USP6: variants seen among roughly 807,000 people sequenced by gnomAD.
USP6 encodes ubiquitin carboxyl-terminal hydrolase 6.
A neutral mutation model predicts 175.7 loss-of-function variants in USP6; 128 were observed. The ratio of observed to expected loss-of-function variants is 0.73; its 90% CI spans 0.63 to 0.84. USP6 has a LOEUF of 0.84. Among genes scored for constraint, USP6 ranks in the 40% least tolerant of loss-of-function variants. The probability of loss-of-function intolerance (pLI) is 0.00; values close to 1 mark genes in which losing one functional copy is unlikely to be tolerated. For synonymous variants in USP6, 562 were observed against 630.6 expected, an observed-to-expected ratio of 0.89 and a Z score of 1.63; for missense variants, 1,498 against 1,760.3, an observed-to-expected ratio of 0.85 and a Z score of 2.67.
At position 5,171,532 on chromosome 17, in the gene USP6, C is replaced by T. The variant is rs1375397711; in HGVS notation, c.3955-55C>T. 3.6e-5 allele frequency: 56 copies of T among 1,553,926 alleles called. No individual in the cohort carries two copies. In the East Asian group the frequency reaches 7.0e-4, roughly 19 times the overall value. Reference sequence around the variant, plus strand: ...TCCTGCTCAGATCTTAGTGCTATACCCTGGCCATAGTACAGTTAACTACTA... The same window carrying T: ...TCCTGCTCAGATCTTAGTGCTATACTCTGGCCATAGTACAGTTAACTACTA... On this transcript the variant is annotated intron_variant, in intron 36 of 37. Coordinates refer to ENST00000574788, the MANE Select transcript of USP6 (RefSeq NM_001304284.2).
intron 18 of USP6, 103 bp downstream of exon 18, chr17:5,136,837 T>TC: frequency 6.6e-7 from 1 of 1,525,618 alleles, no homozygotes; most frequent in Non-Finnish European, 9.1e-7. Flanking sequence ...ACTGGCGGAG[T>TC]CCCAGCTAGG....
intron 23 of USP6, among the ~76,000 whole-genome samples, chr17:5,141,740 A>C (rs1194225242): frequency 6.6e-6 from 1 of 152,174 alleles, no homozygotes; most frequent in Non-Finnish European, 1.5e-5. Flanking sequence ...CTAGAAGAAT[A>C]ATTGTTTGAA....
intron 24 of USP6, 116 bp from the exon 25 acceptor site, chr17:5,142,281 T>C: frequency 3.9e-6 from 6 of 1,541,216 alleles, no homozygotes; most frequent in Non-Finnish European, 5.3e-6. Flanking sequence ...GGCCAAGGAA[T>C]ACATCTCTTG....
intron 5 of USP6, among the ~76,000 whole-genome samples, 186 bp from the exon 6 acceptor site, chr17:5,125,635 A>G (rs2072860721): frequency 2.7e-5 from 4 of 148,464 alleles, no homozygotes; most frequent in Admixed American, 2.7e-4. Flanking sequence ...CATCCTGTCC[A>G]CTGTAACCCT....
At chr17:5,168,665 A>G (rs2074146963) in intron 34 of USP6, 102 bp from the exon 35 acceptor site, 3 of 1,416,310 alleles carry the variant, frequency 2.1e-6, no homozygotes, top group Admixed American at 4.6e-5. Context: ...ATGTTCTGTT[A>G]TATATTTCCA....
At position 5,168,977 on chromosome 17, in the gene USP6, A is replaced by G; in HGVS notation, c.3439A>G (p.Ser1147Gly). ...AREVKKVDAQ[S>G]SAGKEDMLLS... ...AGAGGTGAAGAAAGTGGATGCGCAGAGTTCGGCTGGAAAAGAGGACATGCT... is the reference window on the plus strand; with the variant it reads ...AGAGGTGAAGAAAGTGGATGCGCAGGGTTCGGCTGGAAAAGAGGACATGCT... Residue 1147 changes from serine to glycine, a missense_variant, in exon 35 of 38, where the codon AGT becomes GGT. By Grantham distance (56) the Ser-to-Gly change is moderately conservative. Transcript: ENST00000574788. The G allele has an allele frequency of 6.2e-7, 1 of 1,614,028 alleles. No homozygotes were observed. Among genetic ancestry groups the G allele is most frequent in the East Asian group, 2.2e-5 (1 of 44,884 alleles).
At chr17:5,136,543 G>T in intron 17 of USP6, 97 bp from the exon 18 acceptor site, 2 of 1,459,990 alleles carry the variant, frequency 1.4e-6, no homozygotes, top group East Asian at 2.3e-5. Flanking sequence ...GGAGGCCTTG[G>T]GGTTTGGGGG....
rs199891546 is a variant in USP6 at position 5,130,584 on chromosome 17, G to C, written c.73-18G>C. 4 of 1,613,350 alleles carry C rather than the reference G, an allele frequency of 2.5e-6. No individual in the cohort carries two copies. The highest frequency in any genetic ancestry group is 3.4e-6 in the Non-Finnish European group (4 of 1,179,562). ...CCTTTACCTTGGACCCCTCACCAAG[G>C]CTCCCTCTGGGTTACAGGGACACCG... On this transcript the variant is annotated intron_variant, in intron 10 of 37. Coordinates refer to ENST00000574788, the MANE Select transcript of USP6 (RefSeq NM_001304284.2).
intron 31 of USP6, among the ~76,000 whole-genome samples, chr17:5,158,613 G>GA (rs2073938584): frequency 4.5e-5 from 5 of 112,180 alleles, no homozygotes; most frequent in African/African-American, 3.5e-5. Flanking sequence ...GAGGGAGAGG[G>GA]GGAGAGAGAG....
chr17:5,127,834 T>C (rs1456304714), intron 7 of USP6, among the ~76,000 whole-genome samples, 195 bp downstream of exon 7: 1 of 152,260 alleles, frequency 6.6e-6, no homozygotes, highest in East Asian at 1.9e-4. Flanking sequence ...AGATGCTATA[T>C]AAATGGTTGT....
At chr17:5,164,484 C>T (rs2074062585) in intron 33 of USP6, among the ~76,000 whole-genome samples, 1 of 152,226 alleles carries the variant, frequency 6.6e-6, no homozygotes, top group Non-Finnish European at 1.5e-5. Context: ...TCTGACAGGG[C>T]ATTATTCTGA....
intron 21 of USP6, 137 bp downstream of exon 21, chr17:5,138,410 GA>G: frequency 1.4e-6 from 2 of 1,480,620 alleles, no homozygotes; most frequent in Non-Finnish European, 1.8e-6. Context: ...TGGACTCTAA[GA>G]AAGTACAGGA....
chr17:5,123,928 C>CACAT (rs1567769967), intron 4 of USP6, among the ~76,000 whole-genome samples: 1 of 152,096 alleles, frequency 6.6e-6, no homozygotes, highest in Non-Finnish European at 1.5e-5. Flanking sequence ...CGCACACACA[C>CACAT]ACACACACAC....
In USP6 at chr17:5,151,813, C is replaced by T. The variant is rs75915137; in HGVS notation, c.2643+3046C>T. Among the ~76,000 whole-genome samples the T allele has an allele frequency of 8.1e-3, 1,229 of 152,208 alleles. 21 individuals are homozygous for T. Among genetic ancestry groups the T allele is most frequent in the African/African-American group, 0.025 (1,036 of 41,512 alleles). The stretch of plus-strand genomic sequence containing the variant: ...CATATGAAACTTGGCACCTACCTTT[C>T]GCCACAATTTCAGGTGGTCTATAGA... On this transcript the variant is annotated intron_variant, in intron 30 of 37. Transcript: ENST00000574788.
chr17:5,148,736 C>T lies in USP6; in HGVS notation c.2612C>T (p.Thr871Ile). The change falls in exon 30 of 38, where the codon ACA becomes ATA. Residue 871 changes from threonine to isoleucine, a missense_variant. Around this residue, in one of 2 missense-constraint regions of USP6, gnomAD observed 1,217 missense variants for 1,500.8 expected, o/e 0.81. Transcript: ENST00000574788. The part of the protein sequence containing the change: ...HMPSLPDSPF[T>I]GYIIAVHRKM... ...CCATCTCTTCCTGACAGCCCCTTTA[C>T]AGGTTACATCATTGCAGTCCACCGA... The T allele has an allele frequency of 1.2e-6, 2 of 1,613,644 alleles. No individual in the cohort carries two copies. The highest frequency in any genetic ancestry group is 2.2e-5 in the South Asian group (2 of 91,070).
Position 5,120,738 on chromosome 17 carries a change from A to C in USP6, c.-1725A>C, listed in dbSNP as rs2072635035. 1 of 437,892 alleles carries C rather than the reference A, an allele frequency of 2.3e-6. No homozygotes were observed. The highest frequency in any genetic ancestry group is 2.0e-5 in the African/African-American group (1 of 49,882). The allele number at this position is 437,892 out of a possible 1,614,324, so 27.1% of individuals were successfully genotyped here. A position where few individuals can be genotyped will look rare whatever the true frequency, so the allele number is the denominator to read the frequency against. ...GAATGAGATGCATGACCAGGACAAG[A>C]AATTGGTGGAGAAGAGCTACAAGGA... On this transcript the variant is annotated 5_prime_UTR_variant, in exon 3 of 38. Coordinates refer to ENST00000574788, the MANE Select transcript of USP6 (RefSeq NM_001304284.2).
intron 34 of USP6, 146 bp from the exon 35 acceptor site, chr17:5,168,620 TA>T: frequency 7.9e-7 from 1 of 1,260,726 alleles, no homozygotes. Context: ...TATGAAACCA[TA>T]TTTTTGAAGT....
chr17:5,150,111 G>T (rs1200984529), intron 30 of USP6, among the ~76,000 whole-genome samples: 5 of 151,958 alleles, frequency 3.3e-5, no homozygotes, highest in Non-Finnish European at 1.5e-5. Context: ...GGCCAATATG[G>T]TGAAACCCCG....
Position 5,168,919 on chromosome 17 carries a change from G to A in USP6, c.3381G>A (p.Gly1127=). The A allele has an allele frequency of 6.2e-7, 1 of 1,613,970 alleles. No homozygotes were observed. Among genetic ancestry groups the A allele is most frequent in the African/African-American group, 1.3e-5 (1 of 75,042 alleles). Residue 1127 remains glycine, a synonymous_variant, in exon 35 of 38, where the codon GGG becomes GGA. Transcript: ENST00000574788. ...LCQHKPLTPQ[G]DELSKPRILA... ...AGCATAAACCACTCACACCCCAGGG[G>A]GATGAGCTCTCCAAGCCCAGGATTC...
Sources: gnomAD v4.1 joint callset for allele counts (sites outside exome capture counted in the v4.1 genomes callset) on GRCh38, gnomAD v4.1.1 for gene constraint, gnomAD v4.1.1 regional missense constraint, MANE v1.5 for transcripts, NCBI Gene and HGNC (gene_info 2026-07-23, HGNC 2026-07-21) for gene names.